The following COP1 variants were observed in gnomAD, a reference collection of about 807,000 sequenced individuals.
COP1 encodes COP1 E3 ubiquitin ligase.
COP1 carries 24 observed loss-of-function variants against 101.3 expected under a neutral mutation model. The observed-to-expected ratio is 0.24, with a 90% CI of 0.17 to 0.33. The LOEUF (loss-of-function observed/expected upper bound fraction) is 0.33, where lower values mean the gene tolerates loss of function less well. Among genes scored for constraint, COP1 ranks in the 10% least tolerant of loss-of-function variants. The probability of loss-of-function intolerance (pLI) is 1.00; values close to 1 mark genes in which losing one functional copy is unlikely to be tolerated. For missense variants in COP1, 663 were observed against 906.2 expected (o/e 0.73, Z 3.45); for synonymous variants, 347 against 341.9 (o/e 1.01, Z -0.17).
chr1:176,082,960 T>C (rs1396472848), intron 10 of COP1, among the ~76,000 whole-genome samples: 4 of 152,202 alleles, frequency 2.6e-5, no homozygotes, highest in Non-Finnish European at 2.9e-5. Flanking sequence ...GTCCACTTAG[T>C]TGTGCTTCCA....
intron 7 of COP1, 59 bp from the exon 8 acceptor site, chr1:176,135,145 A>G: frequency 1.7e-6 from 2 of 1,155,576 alleles, no homozygotes; most frequent in Non-Finnish European, 2.5e-6. Context: ...ATATAAATCA[A>G]AAAGAGGCAT....
At chr1:176,119,387 A>G (rs1220872213) in intron 8 of COP1, among the ~76,000 whole-genome samples, 1 of 152,138 alleles carries the variant, frequency 6.6e-6, no homozygotes, top group African/African-American at 2.4e-5. Context: ...TAAAAAATGA[A>G]TGATATTGAT....
At chr1:175,959,960 TAACA>T (rs978460672) in intron 18 of COP1, among the ~76,000 whole-genome samples, 1 of 152,190 alleles carries the variant, frequency 6.6e-6, no homozygotes, top group African/African-American at 2.4e-5. Flanking sequence ...GTTTCAGGTT[TAACA>T]AACAACCCTA....
intron 11 of COP1, among the ~76,000 whole-genome samples, chr1:176,062,981 T>C (rs1675164029): frequency 1.3e-5 from 2 of 151,352 alleles, no homozygotes; most frequent in South Asian, 4.2e-4. Context: ...AATAGTTGCC[T>C]GTGGCAGGAG....
intron 2 of COP1, among the ~76,000 whole-genome samples, chr1:176,178,170 C>T (rs1274741004): frequency 6.6e-6 from 1 of 151,916 alleles, no homozygotes; most frequent in African/African-American, 2.4e-5. Context: ...AAGGAAGAAG[C>T]ATAACGTAGG....
chr1:176,046,872 T>C (rs1040597422), intron 11 of COP1, among the ~76,000 whole-genome samples: 4 of 152,032 alleles, frequency 2.6e-5, no homozygotes, highest in African/African-American at 9.7e-5. Flanking sequence ...CCCAAATCCA[T>C]ACCTAATCCC....
At chr1:176,050,901 C>T (rs2149234875) in intron 11 of COP1, among the ~76,000 whole-genome samples, 1 of 152,242 alleles carries the variant, frequency 6.6e-6, no homozygotes, top group East Asian at 1.9e-4. Flanking sequence ...AATCATCATG[C>T]AAACTTGCAA....
intron 1 of COP1, among the ~76,000 whole-genome samples, chr1:176,205,470 A>C (rs936121383): frequency 8.5e-5 from 13 of 152,214 alleles, no homozygotes; most frequent in African/African-American, 3.1e-4. Context: ...TAATAACACC[A>C]ACTCAGACCA....
chr1:175,965,516 T>A (rs1409184163), intron 18 of COP1, among the ~76,000 whole-genome samples: 1 of 152,164 alleles, frequency 6.6e-6, no homozygotes, highest in Non-Finnish European at 1.5e-5. Context: ...CTTTTAAAAT[T>A]CAAATTTCTT....
intron 3 of COP1, among the ~76,000 whole-genome samples, chr1:176,171,637 A>G (rs1395076461): frequency 6.6e-6 from 1 of 152,204 alleles, no homozygotes; most frequent in Non-Finnish European, 1.5e-5. Flanking sequence ...GGTAGTGGAA[A>G]AGTGGCATCA....
intron 11 of COP1, among the ~76,000 whole-genome samples, chr1:176,050,963 A>G (rs1038487527): frequency 6.6e-6 from 1 of 152,212 alleles, no homozygotes; most frequent in Non-Finnish European, 1.5e-5. Context: ...CACAGGCAAA[A>G]TAAGAATAAT....
At position 176,020,756 on chromosome 1, in the gene COP1, T is replaced by G. The variant is rs140170825; in HGVS notation, c.1729+6816A>C. ...AAATATGTATCAAATAATTTAAAAT[T>G]TGGTGATTTACTATTTGAATTCATC... On this transcript the variant is annotated intron_variant, in intron 15 of 19. Coordinates refer to ENST00000367669, the MANE Select transcript of COP1 (RefSeq NM_022457.7). Among the ~76,000 whole-genome samples, 400 of 152,316 alleles carry G rather than the reference T, an allele frequency of 2.6e-3. 3 individuals are homozygous for G. The highest frequency in any genetic ancestry group is 9.2e-3 in the African/African-American group (382 of 41,574).
chr1:176,154,307 C>T (rs1020824326), intron 5 of COP1, among the ~76,000 whole-genome samples: 1 of 152,086 alleles, frequency 6.6e-6, no homozygotes, highest in African/African-American at 2.4e-5. Context: ...CAAAGGAATA[C>T]AAATCCTTGC....
intron 5 of COP1, among the ~76,000 whole-genome samples, chr1:176,150,218 T>C (rs1692198482): frequency 6.6e-6 from 1 of 152,178 alleles, no homozygotes; most frequent in Non-Finnish European, 1.5e-5. Context: ...CTTGCAGATC[T>C]TTGGATTTTA....
chr1:176,123,326 A>G (rs938937986), intron 8 of COP1, among the ~76,000 whole-genome samples: 2 of 152,246 alleles, frequency 1.3e-5, no homozygotes, highest in African/African-American at 4.8e-5. Flanking sequence ...ATGGTAAATG[A>G]TAACAGCACA....
At chr1:175,995,741 T>C (rs1659974732) in intron 15 of COP1, among the ~76,000 whole-genome samples, 1 of 152,184 alleles carries the variant, frequency 6.6e-6, no homozygotes, top group African/African-American at 2.4e-5. Flanking sequence ...GCTCTGAAAT[T>C]GTGGCAAGAA....
intron 14 of COP1, among the ~76,000 whole-genome samples, chr1:176,039,160 A>G (rs1258004006): frequency 6.6e-6 from 1 of 152,220 alleles, no homozygotes; most frequent in Non-Finnish European, 1.5e-5. Flanking sequence ...TAAACTAGAA[A>G]TCAGTAACAG....
intron 15 of COP1, among the ~76,000 whole-genome samples, chr1:175,996,696 A>G (rs1339004021): frequency 2.4e-4 from 37 of 152,168 alleles, no homozygotes; most frequent in East Asian, 5.8e-4. Context: ...TACAAGGGAC[A>G]TGAAGGACCT....
chr1:176,202,166 T>A (rs908495068), intron 1 of COP1, among the ~76,000 whole-genome samples: 2 of 151,174 alleles, frequency 1.3e-5, no homozygotes, highest in Non-Finnish European at 2.9e-5. Flanking sequence ...CGACAGATTC[T>A]ATGATACGTT....
Sources: gnomAD v4.1 joint callset for allele counts (sites outside exome capture counted in the v4.1 genomes callset) on GRCh38, gnomAD v4.1.1 for gene constraint, MANE v1.5 for transcripts, NCBI Gene and HGNC (gene_info 2026-07-23, HGNC 2026-07-21) for gene names.